SBF2: variants seen among roughly 807,000 people sequenced by gnomAD.
SBF2 encodes the protein myotubularin-related protein 13.
Under a neutral mutation model 225.2 loss-of-function variants are expected in SBF2, and 112 were observed. The ratio of observed to expected loss-of-function variants is 0.50; its 90% confidence interval spans 0.43 to 0.58. The LOEUF (loss-of-function observed/expected upper bound fraction) is 0.58, where lower values mean the gene tolerates loss of function less well. SBF2 is among the 20% of genes least tolerant of loss of function. The pLI, the probability that SBF2 is intolerant of heterozygous loss-of-function variation, is 0.00. For missense variants in SBF2, 1,996 were observed against 2,206.2 expected (o/e 0.90, Z 1.91); for synonymous variants, 763 against 773.3 (o/e 0.99, Z 0.22).
At chr11:10,040,673 CTG>C in intron 3 of SBF2, among the ~76,000 whole-genome samples, 1 of 151,856 alleles carries the variant, frequency 6.6e-6, no homozygotes, top group South Asian at 2.1e-4. Flanking sequence ...AGGTTGATAA[CTG>C]TACTGTTTAC....
chr11:10,281,790 A>C (rs1430414196), intron 1 of SBF2, among the ~76,000 whole-genome samples: 1 of 152,104 alleles, frequency 6.6e-6, no homozygotes, highest in Non-Finnish European at 1.5e-5. Flanking sequence ...CAAAATAAAC[A>C]CCATTCTATG....
At chr11:9,817,682 A>C (rs930540928) in intron 28 of SBF2, among the ~76,000 whole-genome samples, 1 of 149,040 alleles carries the variant, frequency 6.7e-6, no homozygotes, top group African/African-American at 2.5e-5. Context: ...AGGTGGGCAG[A>C]TCGCTTGAGC....
intron 36 of SBF2, among the ~76,000 whole-genome samples, chr11:9,786,265 AT>A (rs1852366946): frequency 6.6e-6 from 1 of 152,200 alleles, no homozygotes; most frequent in African/African-American, 2.4e-5. Flanking sequence ...TTATATGTGA[AT>A]TTATAAGGGT....
chr11:9,807,184 C>T (rs1853901257), intron 32 of SBF2, among the ~76,000 whole-genome samples: 1 of 152,152 alleles, frequency 6.6e-6, no homozygotes, highest in African/African-American at 2.4e-5. Context: ...AATAGGCCTG[C>T]TTTTCCTAGG....
intron 17 of SBF2, among the ~76,000 whole-genome samples, chr11:9,882,180 G>T (rs1180778635): frequency 6.6e-6 from 1 of 152,164 alleles, no homozygotes; most frequent in African/African-American, 2.4e-5. Context: ...AATGCAAGCA[G>T]TCACCAGACA....
intron 17 of SBF2, among the ~76,000 whole-genome samples, chr11:9,877,237 T>A (rs1416815657): frequency 6.6e-6 from 1 of 152,186 alleles, no homozygotes; most frequent in Non-Finnish European, 1.5e-5. Context: ...GTAGAGTTTT[T>A]AAAAAATAAA....
intron 9 of SBF2, among the ~76,000 whole-genome samples, chr11:9,995,532 T>C (rs1231569256): frequency 6.6e-6 from 1 of 152,224 alleles, no homozygotes; most frequent in African/African-American, 2.4e-5. Flanking sequence ...TATAATTATT[T>C]ACGAATGAAA....
At chr11:10,041,855 A>G (rs1016439827) in intron 3 of SBF2, among the ~76,000 whole-genome samples, 3 of 150,086 alleles carry the variant, frequency 2.0e-5, no homozygotes, top group Non-Finnish European at 4.5e-5. Flanking sequence ...GGCTTACTCA[A>G]TATCTTCGAA....
intron 38 of SBF2, 64 bp from the exon 39 acceptor site, chr11:9,781,702 A>G: frequency 1.9e-6 from 3 of 1,593,192 alleles, no homozygotes; most frequent in Non-Finnish European, 2.6e-6. Context: ...TGGCTTTTCA[A>G]ACTGCATTTG....
chr11:10,008,348 C>T (rs61877039), intron 6 of SBF2, among the ~76,000 whole-genome samples: 17,116 of 152,128 alleles, frequency 0.11, 1,085 homozygotes, highest in Non-Finnish European at 0.13. Context: ...CCTACAGGAC[C>T]GTTTCCTAAC....
At chr11:10,074,135 T>C (rs1464759728) in intron 2 of SBF2, among the ~76,000 whole-genome samples, 1 of 152,212 alleles carries the variant, frequency 6.6e-6, no homozygotes, top group Non-Finnish European at 1.5e-5. Context: ...TAGACAGGTA[T>C]AATAGAGCGG....
At chr11:10,294,461 C>T (rs555372286), upstream of SBF2, among the ~76,000 whole-genome samples, 2 of 152,334 alleles carry the variant, frequency 1.3e-5, no homozygotes, top group South Asian at 2.1e-4. Context: ...TTTCCTAAAG[C>T]AGGGGGTCCT....
chr11:10,155,799 C>T (rs149656525), intron 2 of SBF2, among the ~76,000 whole-genome samples: 208 of 152,332 alleles, frequency 1.4e-3, no homozygotes, highest in African/African-American at 4.5e-3. Flanking sequence ...GTACTTTATA[C>T]TATTTGTATC....
intron 2 of SBF2, among the ~76,000 whole-genome samples, chr11:10,095,347 C>T (rs1951972524): frequency 6.6e-6 from 1 of 152,204 alleles, no homozygotes; most frequent in South Asian, 2.1e-4. Context: ...AAAATGACAA[C>T]TCCTGATGTA....
intron 2 of SBF2, among the ~76,000 whole-genome samples, chr11:10,087,321 G>A (rs1292877503): frequency 1.3e-5 from 2 of 152,140 alleles, no homozygotes; most frequent in African/African-American, 2.4e-5. Context: ...CGTTGCAGTA[G>A]AACATTGTGT....
At chr11:9,942,136 A>G (rs1204383802) in intron 16 of SBF2, among the ~76,000 whole-genome samples, 1 of 152,184 alleles carries the variant, frequency 6.6e-6, no homozygotes, top group African/African-American at 2.4e-5. Context: ...CGGTGGCACA[A>G]TCACGGCTCA....
At chr11:10,122,946 T>C (rs1953548886) in intron 2 of SBF2, among the ~76,000 whole-genome samples, 1 of 152,156 alleles carries the variant, frequency 6.6e-6, no homozygotes, top group Non-Finnish European at 1.5e-5. Context: ...CAGCATGTAG[T>C]TACACACACA....
chr11:9,948,426 T>C (rs756362561), intron 16 of SBF2, among the ~76,000 whole-genome samples: 14 of 152,204 alleles, frequency 9.2e-5, no homozygotes, highest in Non-Finnish European at 1.8e-4. Flanking sequence ...TTTAATGTTA[T>C]ATATATTTAA....
At chr11:9,935,789 C>T (rs1864853118) in intron 16 of SBF2, among the ~76,000 whole-genome samples, 1 of 152,076 alleles carries the variant, frequency 6.6e-6, no homozygotes, top group Non-Finnish European at 1.5e-5. Flanking sequence ...TTCCTTACAC[C>T]TTATATAGAA....
Sources: allele counts gnomAD v4.1 joint callset (sites outside exome capture counted in the v4.1 genomes callset), GRCh38; gene constraint gnomAD v4.1.1; transcripts MANE v1.5; gene names NCBI Gene and HGNC (gene_info 2026-07-23, HGNC 2026-07-21).